Variants in ADGRV1 observed in about 807,000 individuals in gnomAD.
The protein encoded by ADGRV1 is G-protein coupled receptor 98.
In ADGRV1, 359 loss-of-function variants were observed where a neutral mutation model predicts 596.2. The ratio of observed to expected loss-of-function variants is 0.60; its 90% CI spans 0.55 to 0.66. ADGRV1 has a LOEUF of 0.66. ADGRV1 is among the 30% of genes least tolerant of loss of function. ADGRV1 has a pLI of 0.00. For synonymous variants in ADGRV1, 2,681 were observed against 2,679.2 expected (o/e 1.00, Z -0.02); for missense variants, 7,274 against 7,575.6 (o/e 0.96, Z 1.48).
chr5:90,617,876 A>G lies in ADGRV1; in HGVS notation c.280A>G (p.Arg94Gly). The part of the protein sequence containing the change: ...AAFIPAGETN[R>G]TVYIAVCDDD... ...TTTTATACCTGCCGGAGAAACAAAC[A>G]GAACAGTGTACATAGCAGTATGTGA... is the stretch of plus-strand genomic sequence containing the variant. The change falls in exon 3 of 90, where the codon AGA (arginine) becomes GGA (glycine). Residue 94 changes from arginine to glycine, a missense_variant. Transcript: ENST00000405460. 1.3e-6 allele frequency: 2 copies of G among 1,599,092 alleles called. No homozygotes were observed. Among genetic ancestry groups the G allele is most frequent in the African/African-American group, 1.3e-5 (1 of 74,894 alleles).
intron 28 of ADGRV1, among the ~76,000 whole-genome samples, chr5:90,685,454 A>G (rs2149591440): frequency 6.6e-6 from 1 of 152,026 alleles, no homozygotes; most frequent in Admixed American, 6.6e-5. Context: ...GCATGGCAGC[A>G]CGTGCCTGTA....
intron 84 of ADGRV1, among the ~76,000 whole-genome samples, chr5:90,966,780 G>C (rs1404802416): frequency 2.0e-5 from 3 of 152,128 alleles, no homozygotes; most frequent in Admixed American, 1.3e-4. Context: ...CGATAAAGAG[G>C]CTAAGAGAGG....
chr5:90,605,658 G>A (rs760199635), intron 1 of ADGRV1, among the ~76,000 whole-genome samples: 1 of 151,980 alleles, frequency 6.6e-6, no homozygotes, highest in Non-Finnish European at 1.5e-5. Context: ...AAGTTTACAA[G>A]CGTAACTCTC....
At position 90,763,438 on chromosome 5, in the gene ADGRV1, G is replaced by A; in HGVS notation, c.12254G>A (p.Ser4085Asn). Residue 4085 changes from serine to asparagine, a missense_variant, in exon 59 of 90, where the codon AGT becomes AAT. Ser to Asn is a conservative substitution (Grantham distance 46, BLOSUM62 1). This residue lies in a region of ADGRV1 where 3,643 missense variants were observed against 3,809.2 expected (regional missense o/e 0.96). Coordinates refer to ENST00000405460, the MANE Select transcript of ADGRV1 (RefSeq NM_032119.4). ...GATGAGAAGGCTAAACATAACCTTA[G>A]TCCTTTGAATGGGACCCTTCATTTT... Reference protein sequence around the residue: ...TIDEKAKHNLSPLNGTLHFDE... With the variant: ...TIDEKAKHNLNPLNGTLHFDE... 1 of 1,613,510 alleles carries A rather than the reference G, an allele frequency of 6.2e-7. No homozygotes were observed. The highest frequency in any genetic ancestry group is 8.5e-7 in the Non-Finnish European group (1 of 1,179,546).
intron 45 of ADGRV1, among the ~76,000 whole-genome samples, chr5:90,723,446 T>C (rs1751349541): frequency 6.6e-6 from 1 of 152,214 alleles, no homozygotes; most frequent in African/African-American, 2.4e-5. Context: ...ATTTCTGCAT[T>C]ACGCTTGGAC....
Position 90,728,739 on chromosome 5 carries a change from C to T in ADGRV1, c.10232C>T (p.Ala3411Val), listed in dbSNP as rs780833420. The T allele has an allele frequency of 7.4e-6, 12 of 1,613,772 alleles. No homozygotes were observed. Among genetic ancestry groups the T allele is most frequent in the African/African-American group, 1.3e-5 (1 of 74,902 alleles). Residue 3411 changes from alanine to valine, a missense_variant, in exon 49 of 90, where the codon GCC (alanine) becomes GTC (valine). By Grantham distance (64) the Ala-to-Val change is moderately conservative (BLOSUM62 0). This residue lies in a region of ADGRV1 where 3,643 missense variants were observed against 3,809.2 expected (regional missense o/e 0.96). Transcript: ENST00000405460. ...KLPVRGVLTVALFNKGGSVFL... is the reference protein window; with the variant it reads ...KLPVRGVLTVVLFNKGGSVFL... ...CCTGTCCGAGGTGTGCTGACCGTGG[C>T]CTTGTTCAACAAGGGAGGCTCTGTG...
rs1251384292 is a variant in ADGRV1 at position 90,783,443 on chromosome 5, CA to C, written c.13433+119del. The C allele has an allele frequency of 6.7e-6, 5 of 747,204 alleles. No individual in the cohort carries two copies. In the East Asian group the frequency reaches 1.3e-4, roughly 20 times the overall value. 46.3% of individuals were successfully genotyped at this position (747,204 alleles called of 1,614,324 possible). On this transcript the variant is annotated intron_variant, in intron 66 of 89. Transcript: ENST00000405460. ...ATAATATGTGTCCATTGGAAAACAA[CA>C]GGTGAAATACTTTTGGGGTACTAGG...
At chr5:90,813,511 TAACTC>T (rs1383055173) in intron 74 of ADGRV1, among the ~76,000 whole-genome samples, 2 of 152,208 alleles carry the variant, frequency 1.3e-5, no homozygotes, top group Non-Finnish European at 2.9e-5. Flanking sequence ...AGCTTAGTTT[TAACTC>T]AACAGGCAAA....
chr5:91,015,841 T>TA (rs1387081079), intron 85 of ADGRV1, among the ~76,000 whole-genome samples: 1 of 152,066 alleles, frequency 6.6e-6, no homozygotes, highest in Non-Finnish European at 1.5e-5. Flanking sequence ...CTGTGCCTTT[T>TA]AAATGGGGCA....
chr5:90,825,218 T>C (rs942578457), intron 76 of ADGRV1, among the ~76,000 whole-genome samples: 1 of 152,214 alleles, frequency 6.6e-6, no homozygotes, highest in Admixed American at 6.5e-5. Context: ...ATTACAGGCA[T>C]GAGTCAGCAT....
At chr5:90,647,430 C>T (rs929731139) in intron 16 of ADGRV1, 68 bp from the exon 17 acceptor site, 6 of 1,503,790 alleles carry the variant, frequency 4.0e-6, no homozygotes, top group Non-Finnish European at 3.6e-6. Context: ...GGGAGAAGCA[C>T]AATGTGATCT....
At chr5:90,658,733 A>G (rs932850505) in intron 21 of ADGRV1, among the ~76,000 whole-genome samples, 1 of 147,716 alleles carries the variant, frequency 6.8e-6, no homozygotes, top group Admixed American at 6.8e-5. Context: ...ACTTTCTTCC[A>G]TGTTGGGTGT....
At chr5:90,602,160 C>A (rs773204511) in intron 1 of ADGRV1, among the ~76,000 whole-genome samples, 1 of 152,160 alleles carries the variant, frequency 6.6e-6, no homozygotes, top group Non-Finnish European at 1.5e-5. Context: ...CAATTAGATT[C>A]CATTCCCAAA....
intron 50 of ADGRV1, among the ~76,000 whole-genome samples, chr5:90,743,632 C>G (rs897342522): frequency 3.3e-5 from 5 of 151,684 alleles, no homozygotes; most frequent in Non-Finnish European, 5.9e-5. Context: ...CCACCATGCC[C>G]GGCTAATTTT....
In ADGRV1 at chr5:90,635,201, G is replaced by T; in HGVS notation, c.1927G>T (p.Val643Phe). 1 of 1,612,984 alleles carries T rather than the reference G, an allele frequency of 6.2e-7. No homozygotes were observed. The highest frequency in any genetic ancestry group is 1.3e-5 in the African/African-American group (1 of 74,960). ...FGEICNISLL[V>F]TPAIANGEIG... ...GGAAATCTGCAATATTTCTTTACTG[G>T]TTACTCCAGCCATTGCAAATGGAGA... The change falls in exon 10 of 90, where the codon GTT becomes TTT. Residue 643 changes from valine to phenylalanine, a missense_variant. By Grantham distance (50) the Val-to-Phe change is conservative. Transcript: ENST00000405460.
chr5:90,916,481 C>T (rs1773364458), intron 83 of ADGRV1, among the ~76,000 whole-genome samples: 1 of 152,064 alleles, frequency 6.6e-6, no homozygotes, highest in Non-Finnish European at 1.5e-5. Context: ...TTTAGGAGCT[C>T]TGCTGGTGAT....
At chr5:90,945,624 A>T (rs1776508449) in intron 83 of ADGRV1, among the ~76,000 whole-genome samples, 1 of 152,184 alleles carries the variant, frequency 6.6e-6, no homozygotes, top group African/African-American at 2.4e-5. Flanking sequence ...CCTTCATCCT[A>T]CAGATATTTA....
intron 78 of ADGRV1, 148 bp downstream of exon 78, chr5:90,841,133 C>G (rs1036863989): frequency 2.1e-5 from 12 of 576,502 alleles, no homozygotes; most frequent in South Asian, 3.5e-5. Context: ...TAGAATGCAT[C>G]ATATCTGACA....
chr5:90,759,739 G>A, intron 58 of ADGRV1, 151 bp downstream of exon 58: 1 of 672,844 alleles, frequency 1.5e-6, no homozygotes, highest in Non-Finnish European at 2.7e-6. Context: ...GCCGCAGCGG[G>A]CAGATCACGA....
Sources: allele counts gnomAD v4.1 joint callset (sites outside exome capture counted in the v4.1 genomes callset), GRCh38; gene constraint gnomAD v4.1.1; regional missense constraint gnomAD v4.1.1; transcripts MANE v1.5; gene names NCBI Gene and HGNC (gene_info 2026-07-23, HGNC 2026-07-21).